Variants in GRM5 observed in about 807,000 individuals in gnomAD.
GRM5 encodes glutamate metabotropic receptor 5.
In GRM5, 19 loss-of-function variants were observed where a neutral mutation model predicts 83.1. That is an observed-to-expected ratio of 0.23 (90% CI 0.16 to 0.34). The LOEUF (loss-of-function observed/expected upper bound fraction) is 0.34, where lower values mean the gene tolerates loss of function less well. GRM5 is among the 10% of genes least tolerant of loss of function. The pLI is 1.00. For missense variants in GRM5, 1,160 were observed against 1,588.3 expected (o/e 0.73, Z 4.58); for synonymous variants, 675 against 633.6 (o/e 1.07, Z -0.98).
At chr11:88,561,699 T>C (rs998130777) in intron 8 of GRM5, among the ~76,000 whole-genome samples, 1 of 152,122 alleles carries the variant, frequency 6.6e-6, no homozygotes, top group Non-Finnish European at 1.5e-5. Context: ...AGAACCAAAA[T>C]GTTAATCACA....
chr11:89,004,521 T>G (rs543658452), intron 2 of GRM5, among the ~76,000 whole-genome samples: 9 of 152,310 alleles, frequency 5.9e-5, no homozygotes, highest in African/African-American at 1.9e-4. Flanking sequence ...GTACAAAGTT[T>G]GGGCACATTA....
intron 8 of GRM5, among the ~76,000 whole-genome samples, chr11:88,554,396 CAT>C (rs1417384410): frequency 6.6e-6 from 1 of 152,118 alleles, no homozygotes; most frequent in Admixed American, 6.6e-5. Flanking sequence ...TGTAAGATAA[CAT>C]AGTCACAGGT....
chr11:88,940,122 G>A (rs1590981257), intron 2 of GRM5, among the ~76,000 whole-genome samples: 1 of 151,736 alleles, frequency 6.6e-6, no homozygotes, highest in African/African-American at 2.4e-5. Flanking sequence ...AATTAAATAC[G>A]CCTGCCCAAA....
chr11:88,673,762 C>T (rs1940250504), intron 3 of GRM5, among the ~76,000 whole-genome samples: 1 of 151,430 alleles, frequency 6.6e-6, no homozygotes, highest in Non-Finnish European at 1.5e-5. Context: ...AGATAAAAAT[C>T]TGTTTAGGGA....
At position 88,789,895 on chromosome 11, in the gene GRM5, C is replaced by T. The variant is rs1387647552; in HGVS notation, c.911+60011G>A. On this transcript the variant is annotated intron_variant, in intron 3 of 9. Transcript: ENST00000305447. The stretch of plus-strand genomic sequence containing the variant: ...TTTGATATGGAGTCCCACTCTGTTG[C>T]CCAGGCTGGAGGGCAGTGGCGCAAT... Among the ~76,000 whole-genome samples, 3 of 152,032 alleles carry T rather than the reference C, an allele frequency of 2.0e-5. No homozygotes were observed. In the South Asian group the frequency reaches 6.2e-4, roughly 31 times the overall value.
At chr11:88,540,705 A>G (rs193237747) in intron 8 of GRM5, among the ~76,000 whole-genome samples, 12 of 152,188 alleles carry the variant, frequency 7.9e-5, no homozygotes, top group African/African-American at 2.6e-4. Flanking sequence ...CACTGCCTCT[A>G]TTCTTCATCA....
At chr11:88,986,727 CTTTTTT>C (rs60281684) in intron 2 of GRM5, among the ~76,000 whole-genome samples, 3 of 93,110 alleles carry the variant, frequency 3.2e-5, no homozygotes, top group Admixed American at 1.4e-4. Flanking sequence ...TTTATTTTTG[CTTTTTT>C]TTTTTTTTTT....
chr11:88,572,804 G>A (rs1304604615), intron 7 of GRM5, among the ~76,000 whole-genome samples: 1 of 151,954 alleles, frequency 6.6e-6, no homozygotes, highest in Non-Finnish European at 1.5e-5. Flanking sequence ...TACTGTAATG[G>A]TAAGTTACTG....
At chr11:88,946,404 A>T (rs966230552) in intron 2 of GRM5, among the ~76,000 whole-genome samples, 2 of 152,070 alleles carry the variant, frequency 1.3e-5, no homozygotes, top group African/African-American at 4.8e-5. Flanking sequence ...AAACAAAACC[A>T]ATCTTTCTAC....
At chr11:88,514,118 T>C (rs1218802861) in intron 9 of GRM5, among the ~76,000 whole-genome samples, 1 of 152,138 alleles carries the variant, frequency 6.6e-6, no homozygotes, top group Non-Finnish European at 1.5e-5. Flanking sequence ...CTGCCACATC[T>C]GAGGAGGGGG....
At chr11:88,556,214 G>A (rs719182) in intron 8 of GRM5, among the ~76,000 whole-genome samples, 16,375 of 152,036 alleles carry the variant, frequency 0.11, 1,200 homozygotes, top group Non-Finnish European at 0.16. Flanking sequence ...AACCTACTCA[G>A]ATTGTCACCA....
intron 9 of GRM5, among the ~76,000 whole-genome samples, chr11:88,515,876 T>A (rs1244080061): frequency 6.6e-6 from 1 of 152,220 alleles, no homozygotes; most frequent in African/African-American, 2.4e-5. Context: ...AAACCTTGAA[T>A]AAAACATGGA....
intron 3 of GRM5, among the ~76,000 whole-genome samples, chr11:88,705,911 C>T (rs1224793002): frequency 6.6e-6 from 1 of 152,002 alleles, no homozygotes; most frequent in Non-Finnish European, 1.5e-5. Flanking sequence ...AAAGCACTTA[C>T]TATGTATCAC....
chr11:88,644,380 C>A (rs1939382402), intron 4 of GRM5, among the ~76,000 whole-genome samples: 1 of 152,066 alleles, frequency 6.6e-6, no homozygotes, highest in Admixed American at 6.6e-5. Flanking sequence ...AAAATGCTTG[C>A]CTTATATTCA....
At chr11:88,986,371 A>T (rs563292038) in intron 2 of GRM5, among the ~76,000 whole-genome samples, 2 of 152,312 alleles carry the variant, frequency 1.3e-5, no homozygotes, top group East Asian at 3.9e-4. Context: ...GTGTGGCTAT[A>T]AAAGGATAAC....
In GRM5 at chr11:88,586,470, A is replaced by T. The variant is rs183343861; in HGVS notation, c.1690+4131T>A. 2.1e-3 allele frequency among the ~76,000 whole-genome samples: 313 copies of T among 152,310 alleles called. 2 individuals carry two copies. The highest frequency in any genetic ancestry group is 7.1e-3 in the African/African-American group (296 of 41,560). ...ATATGTACTGGTTGTTATTATCACA[A>T]TGAAGGCACTGACCCAAAGGTAACT... On this transcript the variant is annotated intron_variant, in intron 7 of 9. Coordinates refer to ENST00000305447, the MANE Select transcript of GRM5 (RefSeq NM_001143831.3).
In GRM5 at chr11:88,572,030, C is replaced by A. The variant is rs529490255; in HGVS notation, c.1691-4038G>T. Among the ~76,000 whole-genome samples the A allele has an allele frequency of 2.0e-5, 3 of 152,230 alleles. No individual in the cohort carries two copies. The South Asian group carries it at 6.2e-4, about 32-fold the overall frequency. Reference sequence around the variant, plus strand: ...AGAATCAAGAAGAAAGGCTTTGTAGCTGATAGCAATACTGTTAACTAAGAT... The same window carrying A: ...AGAATCAAGAAGAAAGGCTTTGTAGATGATAGCAATACTGTTAACTAAGAT... On this transcript the variant is annotated intron_variant, in intron 7 of 9. Transcript: ENST00000305447.
chr11:89,033,544 T>G (rs180830249), intron 2 of GRM5, among the ~76,000 whole-genome samples: 437 of 152,094 alleles, frequency 2.9e-3, no homozygotes, highest in African/African-American at 9.9e-3. Context: ...TTCTTTTTTG[T>G]GTTTCTAAAG....
rs80315128 is a variant in GRM5, at chr11:88,609,499, G to A, written c.1148-4535C>T. ...ACATATAAAGGGATGTGTCTTTTTC[G>A]TAGAATGAGTGCTTTTCTCTTGGGT... On this transcript the variant is annotated intron_variant, in intron 4 of 9. Transcript: ENST00000305447. Among the ~76,000 whole-genome samples, 1,513 of 152,178 alleles carry A rather than the reference G, an allele frequency of 9.9e-3. 24 individuals carry two copies. Among genetic ancestry groups the A allele is most frequent in the African/African-American group, 0.034 (1,417 of 41,516 alleles).
Sources: gnomAD v4.1 joint callset for allele counts (sites outside exome capture counted in the v4.1 genomes callset) on GRCh38, gnomAD v4.1.1 for gene constraint, MANE v1.5 for transcripts, NCBI Gene and HGNC (gene_info 2026-07-23, HGNC 2026-07-21) for gene names.